GABRG2: variants seen among roughly 807,000 people sequenced by gnomAD.
GABRG2 encodes gamma-aminobutyric acid receptor subunit gamma-2.
GABRG2 carries 16 observed loss-of-function variants against 56.4 expected under a neutral mutation model. The ratio of observed to expected loss-of-function variants is 0.28; its 90% CI spans 0.19 to 0.43. GABRG2 has a LOEUF of 0.43. Among genes scored for constraint, GABRG2 ranks in the 20% least tolerant of loss-of-function variants. The pLI, the probability that GABRG2 is intolerant of heterozygous loss-of-function variation, is 1.00. For synonymous variants in GABRG2, 208 were observed against 205.5 expected (o/e 1.01, Z -0.10); for missense variants, 327 against 582.7 (o/e 0.56, Z 4.52).
chr5:162,072,876 C>T (rs1349101086), intron 1 of GABRG2, among the ~76,000 whole-genome samples: 1 of 151,682 alleles, frequency 6.6e-6, no homozygotes, highest in Non-Finnish European at 1.5e-5. Context: ...AACATGTATA[C>T]ATATATAATG....
At chr5:162,094,723 C>T (rs1267633893) in intron 2 of GABRG2, 1 of 152,290 alleles carries the variant, frequency 6.6e-6, no homozygotes, top group Admixed American at 6.6e-5. Context: ...TTCAGTCCAC[C>T]ACAGTGAGTT....
chr5:162,099,904 T>C (rs1404112103), intron 4 of GABRG2: 1 of 152,214 alleles, frequency 6.6e-6, no homozygotes, highest in Admixed American at 6.5e-5. Context: ...TCTATGTTTG[T>C]ATCTGCAATT....
intron 4 of GABRG2, among the ~76,000 whole-genome samples, chr5:162,101,023 G>A (rs1194166512): frequency 1.3e-5 from 2 of 152,080 alleles, no homozygotes; most frequent in African/African-American, 2.4e-5. Context: ...GGTAAGTGAG[G>A]TGCTATTATT....
Position 162,144,922 on chromosome 5 carries a change from C to G in GABRG2, c.922+2606C>G, listed in dbSNP as rs375816173. Among the ~76,000 whole-genome samples, 214 of 152,294 alleles carry G rather than the reference C, an allele frequency of 1.4e-3. 2 individuals are homozygous for G. The highest frequency in any genetic ancestry group is 5.0e-3 in the African/African-American group (207 of 41,566). On this transcript the variant is annotated intron_variant, in intron 7 of 9. Coordinates refer to ENST00000639213, the MANE Select transcript of GABRG2 (RefSeq NM_198904.4). The stretch of plus-strand genomic sequence containing the variant: ...TAGTTCAACCCCAGGAAATGCTTAT[C>G]TAATGTGTCTAGAACGTGACTTAGG...
At chr5:162,095,672 T>C (rs1760947421) in intron 3 of GABRG2, 110 bp downstream of exon 3, 4 of 740,030 alleles carry the variant, frequency 5.4e-6, no homozygotes, top group African/African-American at 1.7e-5. Flanking sequence ...AGTTTAAAAC[T>C]TTAGAAGTGA....
At chr5:162,113,958 A>G (rs1449633667) in intron 6 of GABRG2, among the ~76,000 whole-genome samples, 1 of 152,222 alleles carries the variant, frequency 6.6e-6, no homozygotes, top group African/African-American at 2.4e-5. Context: ...TTTCACTTAC[A>G]GGGAAATTAC....
In GABRG2 at chr5:162,103,900, C is replaced by A; in HGVS notation, c.643C>A (p.Arg215Ser). The change falls in exon 6 of 10, where the codon CGT becomes AGT. Residue 215 changes from arginine (R) to serine (S), a missense_variant. By Grantham distance (110) the Arg-to-Ser change is moderately radical. Transcript: ENST00000639213. ...CTATCTCACGGCAGATGGCTATCCA[C>A]GTGAAGAAATTGTTTATCAATGGAA... Reference protein sequence around the residue: ...PLEFSSYGYPREEIVYQWKRS... With the variant: ...PLEFSSYGYPSEEIVYQWKRS... 1.2e-6 allele frequency: 2 copies of A among 1,613,850 alleles called. No homozygotes were observed. The highest frequency in any genetic ancestry group is 1.7e-6 in the Non-Finnish European group (2 of 1,179,910).
rs909982805 is a variant in GABRG2 at position 162,144,616 on chromosome 5, C to T, written c.922+2300C>T. On this transcript the variant is annotated intron_variant, in intron 7 of 9. Transcript: ENST00000639213. ...GTTGCTGTAATGATCATTATTATCA[C>T]AATTTTTAGAGCTGAGCTAAGGAAG... Among the ~76,000 whole-genome samples the T allele has an allele frequency of 9.2e-5, 14 of 152,152 alleles. 1 individual carries two copies. Among genetic ancestry groups the T allele is most frequent in the African/African-American group, 2.9e-4 (12 of 41,442 alleles).
At chr5:162,106,070 A>G (rs927462400) in intron 6 of GABRG2, among the ~76,000 whole-genome samples, 15 of 151,684 alleles carry the variant, frequency 9.9e-5, no homozygotes, top group African/African-American at 3.6e-4. Flanking sequence ...CAACATTACC[A>G]CCTCCCCAAT....
chr5:162,124,950 A>G (rs557285063), intron 6 of GABRG2, among the ~76,000 whole-genome samples: 2 of 141,542 alleles, frequency 1.4e-5, no homozygotes, highest in South Asian at 2.3e-4. Flanking sequence ...TCTTTCTGGT[A>G]TAAAGAGATG....
chr5:162,149,720 T>C, intron 8 of GABRG2: 1 of 477,616 alleles, frequency 2.1e-6, no homozygotes, highest in South Asian at 1.6e-5. Flanking sequence ...TTCAAGCAAT[T>C]CTCCTGCCTC....
At chr5:162,138,218 A>G (rs909258883) in intron 6 of GABRG2, among the ~76,000 whole-genome samples, 1 of 152,110 alleles carries the variant, frequency 6.6e-6, no homozygotes, top group African/African-American at 2.4e-5. Flanking sequence ...ATTTATATTC[A>G]CTCATAAATT....
At chr5:162,086,302 T>C (rs1000846883) in intron 1 of GABRG2, among the ~76,000 whole-genome samples, 1 of 152,052 alleles carries the variant, frequency 6.6e-6, no homozygotes, top group African/African-American at 2.4e-5. Flanking sequence ...TTTTGAAAAC[T>C]ATTCATCGGG....
intron 1 of GABRG2, among the ~76,000 whole-genome samples, chr5:162,078,146 T>A (rs912442199): frequency 7.9e-5 from 12 of 151,838 alleles, no homozygotes; most frequent in African/African-American, 2.9e-4. Flanking sequence ...AATACATGGC[T>A]TATAAACAAC....
intron 6 of GABRG2, among the ~76,000 whole-genome samples, chr5:162,105,213 T>C (rs1376549845): frequency 2.0e-5 from 3 of 152,192 alleles, no homozygotes; most frequent in Non-Finnish European, 4.4e-5. Context: ...GATGGAAATT[T>C]ATGATTCGAT....
At chr5:162,083,686 G>A (rs1759835830) in intron 1 of GABRG2, 1 of 154,476 alleles carries the variant, frequency 6.5e-6, no homozygotes, top group Non-Finnish European at 1.5e-5. Flanking sequence ...TAGCTGTTCA[G>A]GTATTTGTCT....
intron 6 of GABRG2, among the ~76,000 whole-genome samples, chr5:162,113,140 A>G (rs1226012100): frequency 6.6e-6 from 1 of 151,940 alleles, no homozygotes; most frequent in Non-Finnish European, 1.5e-5. Context: ...GGGTTTCACC[A>G]TGTTGGCCAG....
intron 6 of GABRG2, among the ~76,000 whole-genome samples, chr5:162,111,024 C>T (rs1013942845): frequency 4.6e-5 from 7 of 152,056 alleles, no homozygotes; most frequent in Middle Eastern, 6.3e-3. Context: ...AGATGCTTCT[C>T]TAAAGTCCTC....
intron 7 of GABRG2, 99 bp from the exon 8 acceptor site, chr5:162,149,009 G>T (rs893612232): frequency 1.2e-5 from 12 of 1,033,754 alleles, no homozygotes; most frequent in Non-Finnish European, 1.7e-5. Context: ...TGCTGAAACT[G>T]CCCATCAGAA....
Sources: allele counts gnomAD v4.1 joint callset (sites outside exome capture counted in the v4.1 genomes callset), GRCh38; gene constraint gnomAD v4.1.1; transcripts MANE v1.5; gene names NCBI Gene and HGNC (gene_info 2026-07-23, HGNC 2026-07-21).